The following NXPH1 variants were observed in gnomAD, a reference collection of about 807,000 sequenced individuals.
The protein encoded by NXPH1 is neurexophilin-1.
In NXPH1, 5 loss-of-function variants were observed where a neutral mutation model predicts 23.7. That is an observed-to-expected ratio of 0.21 (90% CI 0.11 to 0.44). NXPH1 has a LOEUF of 0.44. Ranked by LOEUF, NXPH1 falls within the 20% of genes least tolerant of loss-of-function variation. The pLI is 0.99. For missense variants in NXPH1, 324 were observed against 321.6 expected, an observed-to-expected ratio of 1.01 and a Z score of -0.06; for synonymous variants, 144 against 122.2, an observed-to-expected ratio of 1.18 and a Z score of -1.18.
intron 2 of NXPH1, among the ~76,000 whole-genome samples, chr7:8,487,755 G>T (rs1455608044): frequency 6.6e-6 from 1 of 152,098 alleles, no homozygotes; most frequent in African/African-American, 2.4e-5. Context: ...TTTAACAAGG[G>T]AAGCTTCCCC....
chr7:8,477,123 C>T (rs1298283841), intron 2 of NXPH1, among the ~76,000 whole-genome samples: 2 of 152,082 alleles, frequency 1.3e-5, no homozygotes, highest in Non-Finnish European at 2.9e-5. Flanking sequence ...AATTCCTTTT[C>T]TCCTTCTTGG....
intron 2 of NXPH1, among the ~76,000 whole-genome samples, chr7:8,746,251 TTC>T (rs1198502859): frequency 2.6e-5 from 4 of 152,220 alleles, no homozygotes; most frequent in African/African-American, 9.6e-5. Flanking sequence ...CAGATTTATA[TTC>T]TCTTTTAGAC....
chr7:8,546,262 C>T (rs1380715030), intron 2 of NXPH1, among the ~76,000 whole-genome samples: 1 of 151,328 alleles, frequency 6.6e-6, no homozygotes, highest in Non-Finnish European at 1.5e-5. Flanking sequence ...ATGGTCCTCC[C>T]ATTCATGACA....
chr7:8,523,806 C>T (rs1056062066), intron 2 of NXPH1, among the ~76,000 whole-genome samples: 3 of 152,130 alleles, frequency 2.0e-5, no homozygotes, highest in Admixed American at 1.3e-4. Flanking sequence ...TCACTCCTCA[C>T]CCTTCATACA....
chr7:8,662,454 T>A (rs905523511), intron 2 of NXPH1, among the ~76,000 whole-genome samples: 1 of 152,100 alleles, frequency 6.6e-6, no homozygotes, highest in Non-Finnish European at 1.5e-5. Context: ...ACCAATATAT[T>A]TAACTAGAAT....
At chr7:8,555,462 A>G (rs1483501779) in intron 2 of NXPH1, among the ~76,000 whole-genome samples, 3 of 151,666 alleles carry the variant, frequency 2.0e-5, no homozygotes. Context: ...AAACACAGCA[A>G]GCCAGTTTGT....
chr7:8,568,439 A>G (rs1446855344), intron 2 of NXPH1, among the ~76,000 whole-genome samples: 1 of 151,858 alleles, frequency 6.6e-6, no homozygotes, highest in Non-Finnish European at 1.5e-5. Context: ...TTATGTGCAG[A>G]TGCATAAAGA....
At chr7:8,460,495 C>T (rs1232284602) in intron 2 of NXPH1, among the ~76,000 whole-genome samples, 1 of 152,188 alleles carries the variant, frequency 6.6e-6, no homozygotes, top group South Asian at 2.1e-4. Flanking sequence ...GCATGGCACT[C>T]TCCTTAGGAT....
intron 2 of NXPH1, among the ~76,000 whole-genome samples, chr7:8,476,323 A>G (rs541478129): frequency 6.6e-6 from 1 of 152,124 alleles, no homozygotes; most frequent in Admixed American, 6.6e-5. Context: ...TCTTCCCTCA[A>G]ACACTTAACC....
At chr7:8,743,426 A>C (rs1780403502) in intron 2 of NXPH1, among the ~76,000 whole-genome samples, 1 of 151,896 alleles carries the variant, frequency 6.6e-6, no homozygotes, top group Non-Finnish European at 1.5e-5. Flanking sequence ...AGACACTTCT[A>C]GTTGAAGATT....
chr7:8,629,946 A>G (rs1334441864), intron 2 of NXPH1, among the ~76,000 whole-genome samples: 2 of 152,174 alleles, frequency 1.3e-5, no homozygotes, highest in African/African-American at 4.8e-5. Flanking sequence ...AATAGCTTAT[A>G]TATAGCTTTA....
chr7:8,503,260 A>G (rs1817466698), intron 2 of NXPH1, among the ~76,000 whole-genome samples: 1 of 152,062 alleles, frequency 6.6e-6, no homozygotes, highest in African/African-American at 2.4e-5. Context: ...ACTGAGACAC[A>G]GAAAGGTGAA....
chr7:8,470,610 T>G (rs1385801895), intron 2 of NXPH1, among the ~76,000 whole-genome samples: 1 of 152,158 alleles, frequency 6.6e-6, no homozygotes, highest in African/African-American at 2.4e-5. Flanking sequence ...TGGTGAAGTG[T>G]CAGACCTTTA....
chr7:8,743,592 T>G, intron 2 of NXPH1, among the ~76,000 whole-genome samples: 1 of 152,170 alleles, frequency 6.6e-6, no homozygotes, highest in East Asian at 1.9e-4. Flanking sequence ...ATAAACCTAT[T>G]ATGAGATGAT....
intron 2 of NXPH1, among the ~76,000 whole-genome samples, chr7:8,490,752 G>A (rs1455223468): frequency 6.6e-6 from 1 of 152,004 alleles, no homozygotes. Flanking sequence ...TAAGGGGGAA[G>A]GAGACAAAAT....
At chr7:8,437,295 C>T (rs1455952316) in intron 2 of NXPH1, among the ~76,000 whole-genome samples, 1 of 148,376 alleles carries the variant, frequency 6.7e-6, no homozygotes, top group Non-Finnish European at 1.5e-5. Flanking sequence ...AGCCCACTGA[C>T]ATTGAGAGAC....
At chr7:8,554,353 C>T (rs1818322262) in intron 2 of NXPH1, among the ~76,000 whole-genome samples, 2 of 151,516 alleles carry the variant, frequency 1.3e-5, no homozygotes, top group Non-Finnish European at 3.0e-5. Context: ...AGGAGCAATA[C>T]CGACCATATG....
rs540056222 is a variant in NXPH1, at chr7:8,678,928, A to ATTTTTTTTTTTTTTTTTTTT, written c.55-72064_55-72045dup. Among the ~76,000 whole-genome samples the ATTTTTTTTTTTTTTTTTTTT allele has an allele frequency of 5.9e-3, 403 of 68,796 alleles. 51 individuals are homozygous for ATTTTTTTTTTTTTTTTTTTT. Among genetic ancestry groups the ATTTTTTTTTTTTTTTTTTTT allele is most frequent in the Non-Finnish European group, 6.9e-3 (277 of 40,010 alleles). 45.1% of individuals were successfully genotyped at this position (68,796 alleles called of 152,430 possible). ...TCTAGATTTATCTTTGCTTTATCCA[A>ATTTTTTTTTTTTTTTTTTTT]TTTTTTTTTTTTTTTTTTTTTTTTT... is the stretch of plus-strand genomic sequence containing the variant. On this transcript the variant is annotated intron_variant, in intron 2 of 2. Transcript: ENST00000405863.
At chr7:8,499,821 G>C (rs566518833) in intron 2 of NXPH1, among the ~76,000 whole-genome samples, 1 of 152,176 alleles carries the variant, frequency 6.6e-6, no homozygotes, top group Middle Eastern at 3.4e-3. Flanking sequence ...ACGAGCCATG[G>C]CTTTCCATAG....
Sources: gnomAD v4.1 joint callset for allele counts (sites outside exome capture counted in the v4.1 genomes callset) on GRCh38, gnomAD v4.1.1 for gene constraint, MANE v1.5 for transcripts, NCBI Gene and HGNC (gene_info 2026-07-23, HGNC 2026-07-21) for gene names.